The following SPNS2 variants were observed in gnomAD, a reference collection of about 807,000 sequenced individuals.
SPNS2 encodes the protein sphingosine-1-phosphate transporter SPNS2.
Under a neutral mutation model 57.6 loss-of-function variants are expected in SPNS2, and 37 were observed. The ratio of observed to expected loss-of-function variants is 0.64; its 90% CI spans 0.49 to 0.85. The LOEUF (loss-of-function observed/expected upper bound fraction) is 0.85. Among genes scored for constraint, SPNS2 ranks in the 40% least tolerant of loss-of-function variants. The pLI is 0.00. For missense variants in SPNS2, 831 were observed against 779.1 expected (o/e 1.07, Z -0.79); for synonymous variants, 440 against 346.9 (o/e 1.27, Z -2.98).
At position 4,510,124 on chromosome 17, in the gene SPNS2, G is replaced by A. The variant is rs1296409023; in HGVS notation, c.371-3123G>A. 6.6e-6 allele frequency among the ~76,000 whole-genome samples: 1 copy of A among 152,262 alleles called. No homozygotes were observed. The highest frequency in any genetic ancestry group is 1.5e-5 in the Non-Finnish European group (1 of 68,042). On this transcript the variant is annotated intron_variant, in intron 1 of 12. Transcript: ENST00000329078. This position sits in a 1 kb window ranked among gnomAD's most constrained non-coding sequence, Gnocchi z 4.4. ...GCGGCCAGCGGGATCTCACCCTCCTGTGGCTGTGGCCGCCTCCAGGCCCGG... is the reference window on the plus strand; with the variant it reads ...GCGGCCAGCGGGATCTCACCCTCCTATGGCTGTGGCCGCCTCCAGGCCCGG...
Position 4,537,993 on chromosome 17 carries a change from C to CT in SPNS2, c.*547dup. On this transcript the variant is annotated 3_prime_UTR_variant, in exon 13 of 13. Transcript: ENST00000329078. ...ACCACTGCTCAGCTGGGCCTCGGACCTTGGGGATATTGGACGCAACCTGGC... is the reference window on the plus strand; with the variant it reads ...ACCACTGCTCAGCTGGGCCTCGGACCTTTGGGGATATTGGACGCAACCTGGC... The CT allele has an allele frequency of 2.8e-6, 1 of 353,858 alleles. No homozygotes were observed. The highest frequency in any genetic ancestry group is 2.1e-5 in the South Asian group (1 of 47,450). 21.9% of individuals were successfully genotyped at this position (353,858 alleles called of 1,614,324 possible). A position where few individuals can be genotyped will look rare whatever the true frequency, so the allele number is the denominator to read the frequency against.
chr17:4,534,240 CGGCTGG>C (rs200905138), intron 9 of SPNS2: 33 of 273,596 alleles, frequency 1.2e-4, no homozygotes, highest in Middle Eastern at 2.6e-3. Context: ...GGCGTGCCTG[CGGCTGG>C]GGCTGGGCGG....
intron 12 of SPNS2, 26 bp downstream of exon 12, chr17:4,536,972 G>T (rs1389810686): frequency 6.2e-7 from 1 of 1,611,168 alleles, no homozygotes; most frequent in Non-Finnish European, 8.5e-7. Context: ...GAGGCACGTG[G>T]GGGCTCCCTA....
intron 1 of SPNS2, among the ~76,000 whole-genome samples, chr17:4,509,103 G>T (rs1268562243): frequency 2.0e-5 from 3 of 152,202 alleles, no homozygotes; most frequent in Non-Finnish European, 4.4e-5. Flanking sequence ...TGACTCCCAG[G>T]GTCCTGCAGT....
At position 4,533,049 on chromosome 17, in the gene SPNS2, C is replaced by T. The variant is rs1163028036; in HGVS notation, c.1008C>T (p.Ile336=). Residue 336 remains isoleucine (I), a synonymous_variant, in exon 7 of 13, where the codon ATC becomes ATT. Transcript: ENST00000329078. ...SFATGALGMW[I]PLYLHRAQVV... is the part of the protein sequence containing the mutation. ...CCACGGGGGCCCTGGGCATGTGGAT[C>T]CCGCTCTACCTGCACCGCGCCCAAG... is the stretch of plus-strand genomic sequence containing the variant. 3.1e-6 allele frequency: 5 copies of T among 1,613,404 alleles called. No homozygotes were observed. The highest frequency in any genetic ancestry group is 4.2e-6 in the Non-Finnish European group (5 of 1,179,990).
At position 4,499,278 on chromosome 17, in the gene SPNS2, C is replaced by A. The variant is rs1392295851; in HGVS notation, c.231C>A (p.Thr77=). The change falls in exon 1 of 13, where the codon ACC becomes ACA. Residue 77 remains threonine, a synonymous_variant. Coordinates refer to ENST00000329078, the MANE Select transcript of SPNS2 (RefSeq NM_001124758.3). The surrounding 1 kb of genome is among the most constrained non-coding windows in gnomAD (Gnocchi z 5.2). ...APTGPPGTPG[T]PGCAATAKGP... is the part of the protein sequence containing the mutation. Reference sequence around the variant, plus strand: ...CCGGACCCCCCGGCACCCCCGGCACCCCCGGCTGCGCAGCTACTGCAAAGG... The same window carrying A: ...CCGGACCCCCCGGCACCCCCGGCACACCCGGCTGCGCAGCTACTGCAAAGG... 2.7e-6 allele frequency: 4 copies of A among 1,490,122 alleles called. No homozygotes were observed. Among genetic ancestry groups the A allele is most frequent in the Non-Finnish European group, 3.5e-6 (4 of 1,126,996 alleles). 92.3% of individuals were successfully genotyped at this position (1,490,122 alleles called of 1,614,324 possible). A position where few individuals can be genotyped will look rare whatever the true frequency, so the allele number is the denominator to read the frequency against.
intron 9 of SPNS2, among the ~76,000 whole-genome samples, chr17:4,535,577 C>G (rs1474148588): frequency 6.6e-6 from 1 of 152,180 alleles, no homozygotes; most frequent in African/African-American, 2.4e-5. Context: ...GCAGCATGGC[C>G]GTTCCTGATG....
At chr17:4,531,777 C>T (rs1905486236) in intron 5 of SPNS2, among the ~76,000 whole-genome samples, 1 of 152,012 alleles carries the variant, frequency 6.6e-6, no homozygotes, top group Non-Finnish European at 1.5e-5. Context: ...GGAGAGTGTT[C>T]TGCGGGGCTG....
At chr17:4,500,209 GAAC>G (rs1904438643) in intron 1 of SPNS2, among the ~76,000 whole-genome samples, 1 of 152,232 alleles carries the variant, frequency 6.6e-6, no homozygotes, top group East Asian at 1.9e-4. Flanking sequence ...GGGATCGATA[GAAC>G]AACTGGGTTC....
intron 2 of SPNS2, among the ~76,000 whole-genome samples, chr17:4,516,684 C>T (rs1470350433): frequency 1.3e-5 from 2 of 152,132 alleles, no homozygotes; most frequent in Non-Finnish European, 1.5e-5. Flanking sequence ...TGTGTGAGAT[C>T]GAGTAGATGT....
chr17:4,527,867 G>A (rs1432769854), intron 3 of SPNS2, among the ~76,000 whole-genome samples: 1 of 151,404 alleles, frequency 6.6e-6, no homozygotes, highest in African/African-American at 2.4e-5. Context: ...ATCTCCCGTG[G>A]CCCAGCCTTC....
At position 4,536,056 on chromosome 17, in the gene SPNS2, C is replaced by T. The variant is rs764952537; in HGVS notation, c.1345-20C>T. 3 of 1,604,504 alleles carry T rather than the reference C, an allele frequency of 1.9e-6. No individual in the cohort carries two copies. The highest frequency in any genetic ancestry group is 1.7e-5 in the Admixed American group (1 of 59,610). On this transcript the variant is annotated intron_variant, in intron 9 of 12. Coordinates refer to ENST00000329078, the MANE Select transcript of SPNS2 (RefSeq NM_001124758.3). ...TGAGCCTTTCTCCTCTGGCCGCTGA[C>T]CTGCCCGCCTGTTCCGCAGTACGTG...
intron 5 of SPNS2, 55 bp from the exon 6 acceptor site, chr17:4,532,487 C>T: frequency 1.2e-6 from 2 of 1,611,740 alleles, no homozygotes; most frequent in Middle Eastern, 3.3e-4. Flanking sequence ...CCTCCTTCTG[C>T]AGCAGGGACG....
rs185665780 is a variant in SPNS2, at chr17:4,506,158, C to T, written c.370+6741C>T. Among the ~76,000 whole-genome samples, 506 of 152,222 alleles carry T rather than the reference C, an allele frequency of 3.3e-3. 3 individuals carry two copies. The highest frequency in any genetic ancestry group is 0.011 in the African/African-American group (458 of 41,520). ...GCCTGGGGACCAGCTCGGCCTGGCT[C>T]CTGCAGCCTCTGTCCCGCTCACCTT... On this transcript the variant is annotated intron_variant, in intron 1 of 12. Coordinates refer to ENST00000329078, the MANE Select transcript of SPNS2 (RefSeq NM_001124758.3).
chr17:4,532,096 C>T (rs1012051211), intron 5 of SPNS2, among the ~76,000 whole-genome samples: 2 of 152,180 alleles, frequency 1.3e-5, no homozygotes, highest in East Asian at 1.9e-4. Flanking sequence ...ATTTTCCATC[C>T]GTCTGTCCAT....
chr17:4,514,164 G>A (rs1423117260), intron 2 of SPNS2, among the ~76,000 whole-genome samples: 1 of 152,228 alleles, frequency 6.6e-6, no homozygotes. Context: ...GGCCAGTGCT[G>A]CCACTCAGGG....
intron 2 of SPNS2, among the ~76,000 whole-genome samples, chr17:4,520,244 G>A (rs987522779): frequency 3.3e-5 from 5 of 152,146 alleles, no homozygotes; most frequent in African/African-American, 1.2e-4. Context: ...TGGGGACGGG[G>A]CGTGCCAGCT....
chr17:4,517,442 G>A (rs1289964040), intron 2 of SPNS2, among the ~76,000 whole-genome samples: 8 of 152,182 alleles, frequency 5.3e-5, no homozygotes, highest in Non-Finnish European at 1.2e-4. Flanking sequence ...TGGATCACCC[G>A]AGGTCAGCAG....
intron 1 of SPNS2, among the ~76,000 whole-genome samples, chr17:4,500,845 C>T (rs564476385): frequency 6.6e-6 from 1 of 152,038 alleles, no homozygotes; most frequent in East Asian, 1.9e-4. Context: ...TCTGTCCTTC[C>T]GCTGGAGGAA....
Sources: allele counts gnomAD v4.1 joint callset (sites outside exome capture counted in the v4.1 genomes callset), GRCh38; gene constraint gnomAD v4.1.1; non-coding constraint Gnocchi (gnomAD v3.1); transcripts MANE v1.5; gene names NCBI Gene and HGNC (gene_info 2026-07-23, HGNC 2026-07-21).